The following TUSC3 variants were observed in gnomAD, a reference collection of about 807,000 sequenced individuals.
TUSC3 encodes the protein dolichyl-diphosphooligosaccharide--protein glycosyltransferase subunit TUSC3.
Under a neutral mutation model 44.8 loss-of-function variants are expected in TUSC3, and 45 were observed. That is an observed-to-expected ratio of 1.00 (90% CI 0.79 to 1.29). The LOEUF (loss-of-function observed/expected upper bound fraction) is 1.29. TUSC3 is among the 50% of genes most tolerant of loss of function. The pLI is 0.00. For missense variants in TUSC3, 519 were observed against 437.9 expected, an observed-to-expected ratio of 1.19 and a Z score of -1.65; for synonymous variants, 212 against 152.9, an observed-to-expected ratio of 1.39 and a Z score of -2.85.
At chr8:15,770,494 T>C (rs1840417), downstream of TUSC3, among the ~76,000 whole-genome samples, 117,298 of 152,000 alleles carry the variant, frequency 0.77, 45,430 homozygotes, top group African/African-American at 0.8. Context: ...CACCATGGCA[T>C]GTGTATACCT....
At chr8:15,519,162 T>C (rs1801260868) in intron 2 of TUSC3, among the ~76,000 whole-genome samples, 1 of 152,226 alleles carries the variant, frequency 6.6e-6, no homozygotes, top group Admixed American at 6.5e-5. Flanking sequence ...TGAAGGATGA[T>C]GGAGAAGTCA....
chr8:15,780,450 A>AG, the TUSC3 span, among the ~76,000 whole-genome samples: 27 of 152,330 alleles, frequency 1.8e-4, no homozygotes, highest in Admixed American at 3.3e-4. Context: ...TCTAGACCAC[A>AG]GAAAAAAAAG....
chr8:15,781,734 C>T, the TUSC3 span, among the ~76,000 whole-genome samples: 2 of 152,198 alleles, frequency 1.3e-5, no homozygotes, highest in East Asian at 1.9e-4. Flanking sequence ...GAATTAATAC[C>T]AACCCTTCTA....
intron 4 of TUSC3, among the ~76,000 whole-genome samples, 187 bp downstream of exon 4, chr8:15,659,834 G>A (rs924637091): frequency 6.6e-6 from 1 of 152,050 alleles, no homozygotes; most frequent in Non-Finnish European, 1.5e-5. Context: ...TTTTAAAATA[G>A]TGGTTCACTG....
intron 1 of TUSC3, among the ~76,000 whole-genome samples, chr8:15,611,838 C>T (rs951303461): frequency 2.0e-5 from 3 of 152,110 alleles, no homozygotes; most frequent in African/African-American, 7.2e-5. Flanking sequence ...TTAAGTATGA[C>T]ATAATATTAA....
chr8:15,668,091 C>T (rs1241867990), intron 5 of TUSC3, among the ~76,000 whole-genome samples: 2 of 151,730 alleles, frequency 1.3e-5, no homozygotes, highest in Non-Finnish European at 3.0e-5. Context: ...TAAGTGTTCT[C>T]CCACTGCAGT....
chr8:15,433,717 C>T (rs1225430329), intron 1 of TUSC3, among the ~76,000 whole-genome samples: 3 of 152,028 alleles, frequency 2.0e-5, no homozygotes, highest in African/African-American at 4.8e-5. Flanking sequence ...ACTTTGCCTG[C>T]CTTTGTTTGC....
At chr8:15,798,643 GGT>G in the TUSC3 span, among the ~76,000 whole-genome samples, 1 of 135,382 alleles carries the variant, frequency 7.4e-6, no homozygotes, top group African/African-American at 3.0e-5. Flanking sequence ...TACTCTCCTG[GGT>G]GTGTGGGGGG....
At chr8:15,806,011 G>A in the TUSC3 span, 1 of 183,988 alleles carries the variant, frequency 5.4e-6, no homozygotes, top group East Asian at 1.6e-4. Flanking sequence ...TACTGCTGAA[G>A]TTCTCTGGTG....
intron 1 of TUSC3, among the ~76,000 whole-genome samples, chr8:15,591,978 G>A (rs1441843637): frequency 6.6e-6 from 1 of 152,140 alleles, no homozygotes; most frequent in African/African-American, 2.4e-5. Context: ...GTGGAAATGG[G>A]GAAAGCCTTC....
intron 1 of TUSC3, among the ~76,000 whole-genome samples, chr8:15,567,640 A>T (rs1225619020): frequency 1.3e-5 from 2 of 152,190 alleles, no homozygotes; most frequent in African/African-American, 2.4e-5. Flanking sequence ...GCAGTCAAGC[A>T]TGAGAGTGAG....
chr8:15,801,305 G>A, the TUSC3 span, among the ~76,000 whole-genome samples: 2 of 152,096 alleles, frequency 1.3e-5, no homozygotes, highest in African/African-American at 2.4e-5. Context: ...TAAATCCTGA[G>A]AGCATTTTTG....
chr8:15,639,705 A>G (rs897887335), intron 2 of TUSC3, among the ~76,000 whole-genome samples: 14 of 150,978 alleles, frequency 9.3e-5, no homozygotes, highest in African/African-American at 3.4e-4. Flanking sequence ...GTCATTTAAC[A>G]TATTAAATGA....
chr8:15,744,697 C>G (rs976228614), intron 8 of TUSC3, among the ~76,000 whole-genome samples: 2 of 117,430 alleles, frequency 1.7e-5, no homozygotes, highest in Non-Finnish European at 3.6e-5. Flanking sequence ...AAAGAAACTA[C>G]AAAAGAAAGG....
intron 10 of TUSC3, 144 bp from the exon 11 acceptor site, chr8:15,764,059 T>A: frequency 1.2e-6 from 1 of 855,484 alleles, no homozygotes; most frequent in South Asian, 1.7e-5. Context: ...AAAATTGCCC[T>A]GATGTAAAAA....
At chr8:15,426,150 G>T (rs981431728) in intron 1 of TUSC3, among the ~76,000 whole-genome samples, 44 of 152,202 alleles carry the variant, frequency 2.9e-4, no homozygotes, top group Non-Finnish European at 2.6e-4. Flanking sequence ...AGTTTGATAT[G>T]CAAACATTTG....
chr8:15,499,449 C>G (rs55766782), intron 2 of TUSC3, among the ~76,000 whole-genome samples: 35,177 of 152,030 alleles, frequency 0.23, 4,557 homozygotes, highest in Admixed American at 0.3. Context: ...CTGACCTCAG[C>G]AATCAGGTAA....
upstream of TUSC3, among the ~76,000 whole-genome samples, chr8:15,539,049 C>G (rs1294694070): frequency 6.6e-6 from 1 of 151,508 alleles, no homozygotes; most frequent in Non-Finnish European, 1.5e-5. Flanking sequence ...GACAAGGTCT[C>G]ACTATCTTGC....
intron 1 of TUSC3, among the ~76,000 whole-genome samples, chr8:15,474,535 T>G (rs370892452): frequency 1.3e-5 from 2 of 152,104 alleles, no homozygotes; most frequent in African/African-American, 4.8e-5. Context: ...GCTGACACAG[T>G]AATTAAATCT....
Sources: allele counts gnomAD v4.1 joint callset (sites outside exome capture counted in the v4.1 genomes callset), GRCh38; gene constraint gnomAD v4.1.1; transcripts MANE v1.5; gene names NCBI Gene and HGNC (gene_info 2026-07-23, HGNC 2026-07-21).